Variants in OSBPL2 observed in about 807,000 individuals in gnomAD.
OSBPL2 encodes the protein oxysterol binding protein like 2.
A neutral mutation model predicts 58.4 loss-of-function variants in OSBPL2; 18 were observed. The observed-to-expected ratio is 0.31, with a 90% CI of 0.21 to 0.46. OSBPL2 has a LOEUF of 0.46. Among genes scored for constraint, OSBPL2 ranks in the 20% least tolerant of loss-of-function variants. The pLI, the probability that OSBPL2 is intolerant of heterozygous loss-of-function variation, is 1.00. For missense variants in OSBPL2, 461 were observed against 616.5 expected, an observed-to-expected ratio of 0.75 and a Z score of 2.67; for synonymous variants, 221 against 234.1, an observed-to-expected ratio of 0.94 and a Z score of 0.51.
At chr20:62,283,545 G>A (rs943631477) in intron 9 of OSBPL2, among the ~76,000 whole-genome samples, 1 of 152,142 alleles carries the variant, frequency 6.6e-6, no homozygotes, top group Non-Finnish European at 1.5e-5. Context: ...AAAGGCAGGC[G>A]GGGAACCAAA....
chr20:62,244,147 T>A (rs1027224978), intron 1 of OSBPL2, among the ~76,000 whole-genome samples: 4 of 152,184 alleles, frequency 2.6e-5, no homozygotes, highest in Non-Finnish European at 5.9e-5. Context: ...GCAGGTGCCC[T>A]GGGGAAGGCC....
At chr20:62,254,806 T>G (rs1980811412) in intron 1 of OSBPL2, among the ~76,000 whole-genome samples, 2 of 152,264 alleles carry the variant, frequency 1.3e-5, no homozygotes, top group African/African-American at 4.8e-5. Context: ...GACACTAATG[T>G]GCATGAGTTC....
intron 6 of OSBPL2, among the ~76,000 whole-genome samples, chr20:62,277,980 G>A (rs1047377194): frequency 5.3e-5 from 8 of 152,326 alleles, no homozygotes; most frequent in African/African-American, 1.9e-4. Flanking sequence ...TTAGGGTCCT[G>A]AGTTCCTGGG....
intron 2 of OSBPL2, 97 bp downstream of exon 2, chr20:62,256,318 T>G (rs1279501199): frequency 1.8e-6 from 2 of 1,097,336 alleles, no homozygotes; most frequent in Non-Finnish European, 2.7e-6. Context: ...AGATGCTCAG[T>G]AAAGCAGTGT....
At chr20:62,259,855 C>T in intron 2 of OSBPL2, 126 bp from the exon 3 acceptor site, 1 of 837,010 alleles carries the variant, frequency 1.2e-6, no homozygotes, top group Non-Finnish European at 1.9e-6. Flanking sequence ...GTTAATTCTT[C>T]CAAATGTGTC....
chr20:62,289,798 G>A (rs1285568051), intron 12 of OSBPL2, among the ~76,000 whole-genome samples: 1 of 152,026 alleles, frequency 6.6e-6, no homozygotes, highest in African/African-American at 2.4e-5. Context: ...CCAGCTTCTA[G>A]GGAGGCTGAG....
intron 1 of OSBPL2, among the ~76,000 whole-genome samples, chr20:62,249,868 C>T (rs1980405338): frequency 6.6e-6 from 1 of 152,262 alleles, no homozygotes; most frequent in African/African-American, 2.4e-5. Flanking sequence ...GCCACCACAC[C>T]TGGCCCCACC....
rs1983258125 is a variant in OSBPL2 at position 62,288,221 on chromosome 20, G to C, written c.1126-986G>C. Among the ~76,000 whole-genome samples the C allele has an allele frequency of 6.6e-6, 1 of 152,186 alleles. No homozygotes were observed. Among genetic ancestry groups the C allele is most frequent in the Non-Finnish European group, 1.5e-5 (1 of 68,040 alleles). ...GCACCAGGAGTCATTTGAGCAGGGG[G>C]TGACGGGTGCTGTTGATGTTTCCTG... On this transcript the variant is annotated intron_variant, in intron 11 of 13. Coordinates refer to ENST00000313733, the MANE Select transcript of OSBPL2 (RefSeq NM_144498.4). The surrounding 1 kb of genome is among the most constrained non-coding windows in gnomAD (Gnocchi z 4.8).
intron 4 of OSBPL2, among the ~76,000 whole-genome samples, chr20:62,267,144 C>T (rs917882274): frequency 2.0e-5 from 3 of 152,176 alleles, no homozygotes; most frequent in Non-Finnish European, 4.4e-5. Flanking sequence ...ACTCGGGTGG[C>T]TGATGTAGGA....
intron 1 of OSBPL2, among the ~76,000 whole-genome samples, chr20:62,247,668 T>C (rs907364513): frequency 1.3e-5 from 2 of 150,712 alleles, no homozygotes; most frequent in Non-Finnish European, 3.0e-5. Context: ...TTTCTTTCTT[T>C]CTTTTTTTTT....
intron 12 of OSBPL2, among the ~76,000 whole-genome samples, chr20:62,290,411 G>GTTTTTTTTTT (rs3065795): frequency 6.5e-5 from 5 of 76,376 alleles, no homozygotes; most frequent in Admixed American, 4.1e-4. Flanking sequence ...AATTTTTTGG[G>GTTTTTTTTTT]TTTTTTTTTT....
In OSBPL2 at chr20:62,279,262, C is replaced by T; in HGVS notation, c.597C>T (p.Ser199=). The change falls in exon 7 of 14, where the codon TCC becomes TCT. Residue 199 remains serine (S), a synonymous_variant. Coordinates refer to ENST00000313733, the MANE Select transcript of OSBPL2 (RefSeq NM_144498.4). ...GLNHDFLFHG[S]IYPKLKFWGK... ...ACCATGACTTCCTGTTCCATGGCTCCATCTACCCCAAGCTCAAGTTCTGGG... is the reference window on the plus strand; with the variant it reads ...ACCATGACTTCCTGTTCCATGGCTCTATCTACCCCAAGCTCAAGTTCTGGG... 6.2e-7 allele frequency: 1 copy of T among 1,614,240 alleles called. No homozygotes were observed. Among genetic ancestry groups the T allele is most frequent in the Non-Finnish European group, 8.5e-7 (1 of 1,180,036 alleles).
At chr20:62,241,883 G>A (rs1184077260) in intron 1 of OSBPL2, among the ~76,000 whole-genome samples, 2 of 152,194 alleles carry the variant, frequency 1.3e-5, no homozygotes, top group African/African-American at 4.8e-5. Flanking sequence ...CTGTTTGGGT[G>A]TTGACATTTC....
At chr20:62,259,043 G>A (rs1374336144) in intron 2 of OSBPL2, 4 of 152,300 alleles carry the variant, frequency 2.6e-5, no homozygotes, top group African/African-American at 9.6e-5. Context: ...AGACTCATCT[G>A]CGTGTGGGGT....
intron 4 of OSBPL2, chr20:62,264,588 A>G (rs891174562): frequency 6.6e-6 from 1 of 151,958 alleles, no homozygotes; most frequent in African/African-American, 2.4e-5. Flanking sequence ...TCCAGAGGGA[A>G]CTTCACTTTT....
chr20:62,245,404 C>G (rs189233347), intron 1 of OSBPL2, among the ~76,000 whole-genome samples: 196 of 152,284 alleles, frequency 1.3e-3, no homozygotes, highest in East Asian at 3.9e-4. Context: ...GAAACCTGTT[C>G]TTCAGCTAAG....
At chr20:62,261,958 C>T (rs1016498629) in intron 3 of OSBPL2, among the ~76,000 whole-genome samples, 3 of 152,210 alleles carry the variant, frequency 2.0e-5, no homozygotes, top group Admixed American at 6.5e-5. Flanking sequence ...AGGGTTCCGC[C>T]GTGTTGGCCA....
intron 9 of OSBPL2, among the ~76,000 whole-genome samples, chr20:62,283,775 C>A (rs6061479): frequency 6.6e-6 from 1 of 151,992 alleles, no homozygotes; most frequent in African/African-American, 2.4e-5. Context: ...TGGGCCATCT[C>A]TCTTTTGGGT....
chr20:62,286,744 C>G (rs756979082), intron 11 of OSBPL2, 33 bp downstream of exon 11: 13 of 1,589,644 alleles, frequency 8.2e-6, no homozygotes, highest in Non-Finnish European at 1.7e-6. Context: ...ACGTCTCTGC[C>G]TGCTCATGTC....
Sources: gnomAD v4.1 joint callset for allele counts (sites outside exome capture counted in the v4.1 genomes callset) on GRCh38, gnomAD v4.1.1 for gene constraint, Gnocchi (gnomAD v3.1) non-coding constraint, MANE v1.5 for transcripts, NCBI Gene and HGNC (gene_info 2026-07-23, HGNC 2026-07-21) for gene names.